The following CHSY3 variants were observed in gnomAD, a reference collection of about 807,000 sequenced individuals.
CHSY3 encodes chondroitin sulfate synthase 3.
Under a neutral mutation model 67.2 loss-of-function variants are expected in CHSY3, and 35 were observed. That is an observed-to-expected ratio of 0.52 (90% CI 0.40 to 0.69). The LOEUF is 0.69. Ranked by LOEUF, CHSY3 falls within the 30% of genes least tolerant of loss-of-function variation. The pLI is 0.00. For missense variants in CHSY3, 1,069 were observed against 1,138.5 expected, an observed-to-expected ratio of 0.94 and a Z score of 0.88; for synonymous variants, 474 against 434.7, an observed-to-expected ratio of 1.09 and a Z score of -1.12.
chr5:129,958,744 C>G lies in CHSY3; in HGVS notation c.1086+50384C>G, dbSNP rs139299124. Among the ~76,000 whole-genome samples the G allele has an allele frequency of 3.8e-3, 579 of 152,202 alleles. 8 individuals are homozygous for G. The highest frequency in any genetic ancestry group is 0.013 in the African/African-American group (544 of 41,522). On this transcript the variant is annotated intron_variant, in intron 2 of 2. Transcript: ENST00000305031. ...CCAGGTGGGGTCTCACTTGCCCAGGCTTGTCTGAAACTCCTGGCCTCAAGT... is the reference window on the plus strand; with the variant it reads ...CCAGGTGGGGTCTCACTTGCCCAGGGTTGTCTGAAACTCCTGGCCTCAAGT...
intron 2 of CHSY3, among the ~76,000 whole-genome samples, chr5:130,137,948 T>A (rs985879074): frequency 1.3e-5 from 2 of 152,162 alleles, no homozygotes; most frequent in African/African-American, 2.4e-5. Flanking sequence ...GTTTTTTTGG[T>A]TTTTTAATGT....
chr5:130,179,709 A>G (rs774719692), intron 2 of CHSY3, among the ~76,000 whole-genome samples: 1 of 145,806 alleles, frequency 6.9e-6, no homozygotes, highest in Non-Finnish European at 1.5e-5. Flanking sequence ...GGGCAAAAGG[A>G]AGTGGTAGTT....
intron 2 of CHSY3, among the ~76,000 whole-genome samples, chr5:129,918,225 C>G (rs1178416164): frequency 1.3e-5 from 2 of 152,120 alleles, no homozygotes; most frequent in Non-Finnish European, 2.9e-5. Context: ...TTAAAACATT[C>G]TCATAAAGAT....
At chr5:130,154,439 T>A (rs1410308397) in intron 2 of CHSY3, among the ~76,000 whole-genome samples, 3 of 152,222 alleles carry the variant, frequency 2.0e-5, no homozygotes, top group African/African-American at 7.2e-5. Context: ...GCTAATCCAA[T>A]ATTATCTTAA....
chr5:130,145,843 GA>G (rs1001800187), intron 2 of CHSY3, among the ~76,000 whole-genome samples: 9 of 150,592 alleles, frequency 6.0e-5, no homozygotes, highest in East Asian at 5.9e-4. Context: ...GTGAATACAT[GA>G]AAAAAAAAGT....
chr5:129,981,050 C>CA (rs71000945), intron 2 of CHSY3, among the ~76,000 whole-genome samples: 34,052 of 130,104 alleles, frequency 0.26, 4,385 homozygotes, highest in East Asian at 0.39. Flanking sequence ...ACTGAAAATA[C>CA]AAAAAAAAAA....
chr5:130,155,013 G>A (rs1027997858), intron 2 of CHSY3, among the ~76,000 whole-genome samples: 11 of 152,134 alleles, frequency 7.2e-5, no homozygotes, highest in Non-Finnish European at 1.3e-4. Context: ...TTGACACCTC[G>A]AACAGCAACT....
chr5:130,174,575 T>G (rs1769988422), intron 2 of CHSY3, among the ~76,000 whole-genome samples: 1 of 152,170 alleles, frequency 6.6e-6, no homozygotes, highest in Non-Finnish European at 1.5e-5. Context: ...CATTTTCATG[T>G]ACTCATTTAT....
chr5:129,998,608 G>A (rs1763620799), intron 2 of CHSY3, among the ~76,000 whole-genome samples: 1 of 152,098 alleles, frequency 6.6e-6, no homozygotes, highest in Non-Finnish European at 1.5e-5. Flanking sequence ...AAGAGTCTAT[G>A]AAGAATATTG....
intron 2 of CHSY3, among the ~76,000 whole-genome samples, chr5:130,120,785 T>G (rs1011626070): frequency 6.7e-5 from 10 of 149,732 alleles, no homozygotes; most frequent in Admixed American, 6.0e-4. Context: ...AGAGAAGGAG[T>G]GAGGGAGGGA....
At chr5:130,136,995 C>A (rs1227284924) in intron 2 of CHSY3, among the ~76,000 whole-genome samples, 1 of 152,050 alleles carries the variant, frequency 6.6e-6, no homozygotes, top group Non-Finnish European at 1.5e-5. Context: ...TCCACTGGCT[C>A]CAAACAATAT....
chr5:130,163,823 A>G (rs1360360224), intron 2 of CHSY3, among the ~76,000 whole-genome samples: 1 of 151,934 alleles, frequency 6.6e-6, no homozygotes, highest in Non-Finnish European at 1.5e-5. Context: ...TAAACACCAA[A>G]CTATGTGATA....
At chr5:130,012,045 A>G (rs1297721023) in intron 2 of CHSY3, among the ~76,000 whole-genome samples, 1 of 152,240 alleles carries the variant, frequency 6.6e-6, no homozygotes, top group Non-Finnish European at 1.5e-5. Flanking sequence ...TTAAAGTTTC[A>G]ATGCTCTTTG....
At chr5:130,087,550 A>G (rs1766694209) in intron 2 of CHSY3, among the ~76,000 whole-genome samples, 1 of 151,486 alleles carries the variant, frequency 6.6e-6, no homozygotes, top group Admixed American at 6.6e-5. Flanking sequence ...TACAAAAATC[A>G]CAAGCATTCT....
chr5:130,136,464 G>A (rs760927431), intron 2 of CHSY3, among the ~76,000 whole-genome samples: 2 of 152,092 alleles, frequency 1.3e-5, no homozygotes, highest in African/African-American at 2.4e-5. Flanking sequence ...TTTTAACTCT[G>A]GCAGCTGCAC....
intron 2 of CHSY3, among the ~76,000 whole-genome samples, chr5:129,923,518 G>A (rs1760990997): frequency 1.3e-5 from 2 of 152,080 alleles, no homozygotes; most frequent in South Asian, 4.1e-4. Flanking sequence ...TTTTATAATG[G>A]GAAAGACAAA....
At chr5:130,036,260 A>T (rs1764860332) in intron 2 of CHSY3, among the ~76,000 whole-genome samples, 1 of 152,086 alleles carries the variant, frequency 6.6e-6, no homozygotes, top group South Asian at 2.1e-4. Context: ...CATATACTTT[A>T]TTGTGTCTTC....
At chr5:130,169,106 CT>C (rs1769828841) in intron 2 of CHSY3, among the ~76,000 whole-genome samples, 1 of 152,054 alleles carries the variant, frequency 6.6e-6, no homozygotes, top group Non-Finnish European at 1.5e-5. Context: ...AGTATGACAT[CT>C]TTCTCATGGT....
chr5:130,063,426 T>G (rs905786715), intron 2 of CHSY3, among the ~76,000 whole-genome samples: 2 of 152,188 alleles, frequency 1.3e-5, no homozygotes, highest in African/African-American at 4.8e-5. Context: ...CATCTGATTT[T>G]TCGTTGTTGT....
Sources: allele counts gnomAD v4.1 joint callset (sites outside exome capture counted in the v4.1 genomes callset), GRCh38; gene constraint gnomAD v4.1.1; transcripts MANE v1.5; gene names NCBI Gene and HGNC (gene_info 2026-07-23, HGNC 2026-07-21).